EEF2K: variants seen among roughly 807,000 people sequenced by gnomAD.
EEF2K encodes the protein alternative protein EEF2K.
A neutral mutation model predicts 93.8 loss-of-function variants in EEF2K; 70 were observed. That is an observed-to-expected ratio of 0.75 (90% confidence interval 0.62 to 0.91). EEF2K has a LOEUF of 0.91. EEF2K is among the 40% of genes least tolerant of loss of function. The probability of loss-of-function intolerance (pLI) is 0.00; values close to 1 mark genes in which losing one functional copy is unlikely to be tolerated. For synonymous variants in EEF2K, 376 were observed against 380.8 expected (o/e 0.99, Z 0.15); for missense variants, 935 against 972.9 (o/e 0.96, Z 0.52).
intron 15 of EEF2K, among the ~76,000 whole-genome samples, chr16:22,271,975 A>T (rs1289319355): frequency 6.6e-6 from 1 of 152,220 alleles, no homozygotes; most frequent in Non-Finnish European, 1.5e-5. Flanking sequence ...GTAGTTTTAA[A>T]TACTGGAAGG....
At chr16:22,270,643 T>C (rs917303670) in intron 15 of EEF2K, among the ~76,000 whole-genome samples, 1 of 152,170 alleles carries the variant, frequency 6.6e-6, no homozygotes, top group Non-Finnish European at 1.5e-5. Flanking sequence ...GTTGGCTGTA[T>C]TCTTTTGATA....
At chr16:22,237,595 G>A (rs554097281) in intron 2 of EEF2K, among the ~76,000 whole-genome samples, 5 of 148,844 alleles carry the variant, frequency 3.4e-5, no homozygotes, top group South Asian at 2.1e-4. Context: ...TGCAGGCTGC[G>A]CAACAGAGTG....
intron 9 of EEF2K, among the ~76,000 whole-genome samples, chr16:22,258,247 A>G (rs1302452336): frequency 1.3e-5 from 2 of 152,114 alleles, no homozygotes; most frequent in Admixed American, 1.3e-4. Context: ...GGGCTGTGGA[A>G]TGTGGTCAGT....
rs992432940 is a variant in EEF2K, at chr16:22,256,904, C to A, written c.768+7C>A. 1 of 1,613,160 alleles carries A rather than the reference C, an allele frequency of 6.2e-7. No homozygotes were observed. The highest frequency in any genetic ancestry group is 1.3e-5 in the African/African-American group (1 of 74,924). On this transcript the variant is annotated splice_region_variant and intron_variant, in intron 7 of 17. Transcript: ENST00000263026. ...CATCCGCCTGACGCCGCAGGTGAGG[C>A]CGAGCTCACCTCCACCCTCTGCCCA...
intron 6 of EEF2K, among the ~76,000 whole-genome samples, chr16:22,251,939 G>T (rs538081730): frequency 8.6e-4 from 130 of 152,026 alleles, no homozygotes; most frequent in African/African-American, 2.4e-3. Flanking sequence ...GACTACAGGG[G>T]TATGCCACCA....
chr16:22,269,058 A>T (rs889138593), intron 15 of EEF2K, among the ~76,000 whole-genome samples: 8 of 152,154 alleles, frequency 5.3e-5, no homozygotes. Flanking sequence ...ACTTATATGT[A>T]ATTCCAGAGT....
rs1265323424 is a variant in EEF2K, at chr16:22,288,671, GATTT to G, written c.*4680_*4683del. On this transcript the variant is annotated 3_prime_UTR_variant, in exon 18 of 18. Transcript: ENST00000263026. ...GCCCAGAGAAGTGGCCTGCGTTACA[GATTT>G]ATTTTGGCATATGTACTAAGTTCCA... The G allele has an allele frequency of 2.6e-5, 4 of 151,920 alleles. No homozygotes were observed. The highest frequency in any genetic ancestry group is 5.9e-5 in the Non-Finnish European group (4 of 68,030). 9.4% of individuals were successfully genotyped at this position (151,920 alleles called of 1,614,324 possible). A position where few individuals can be genotyped will look rare whatever the true frequency, so the allele number is the denominator to read the frequency against.
At chr16:22,280,098 C>T in intron 16 of EEF2K, 100 bp from the exon 17 acceptor site, 1 of 1,265,694 alleles carries the variant, frequency 7.9e-7, no homozygotes, top group East Asian at 2.9e-5. Context: ...GGTGGTGGCC[C>T]TGCTGGGATC....
chr16:22,218,366 T>C (rs1389644924), intron 1 of EEF2K, among the ~76,000 whole-genome samples: 1 of 152,230 alleles, frequency 6.6e-6, no homozygotes, highest in African/African-American at 2.4e-5. Context: ...TGCCACGTTA[T>C]TGGCTTTGGG....
rs1280642244 is a variant in EEF2K at position 22,280,178 on chromosome 16, C to T, written c.1890-20C>T. On this transcript the variant is annotated intron_variant, in intron 16 of 17. Transcript: ENST00000263026. ...GTTGCCATGGTAACCTCCACCTTTCCCTCTGTATCTCCTGGCAAGGTGCCA... is the reference window on the plus strand; with the variant it reads ...GTTGCCATGGTAACCTCCACCTTTCTCTCTGTATCTCCTGGCAAGGTGCCA... 2.8e-6 allele frequency: 4 copies of T among 1,450,834 alleles called. No homozygotes were observed. Among genetic ancestry groups the T allele is most frequent in the Non-Finnish European group, 3.7e-6 (4 of 1,094,318 alleles). 89.9% of individuals were successfully genotyped at this position (1,450,834 alleles called of 1,614,324 possible). A position where few individuals can be genotyped will look rare whatever the true frequency, so the allele number is the denominator to read the frequency against.
At chr16:22,279,236 CTT>C (rs143168233) in intron 16 of EEF2K, among the ~76,000 whole-genome samples, 22,658 of 135,036 alleles carry the variant, frequency 0.17, 2,717 homozygotes, top group African/African-American at 0.35. Context: ...CTTGACTCCT[CTT>C]TTTTTTTTTT....
chr16:22,264,983 T>C (rs1017885669), intron 13 of EEF2K, 103 bp downstream of exon 13: 2 of 1,376,750 alleles, frequency 1.5e-6, no homozygotes, highest in East Asian at 2.4e-5. Flanking sequence ...CCCATCTGTC[T>C]TGCACATGTG....
At chr16:22,230,820 G>T (rs2047107756) in intron 2 of EEF2K, among the ~76,000 whole-genome samples, 1 of 152,040 alleles carries the variant, frequency 6.6e-6, no homozygotes, top group Non-Finnish European at 1.5e-5. Flanking sequence ...TAGAGAGAGG[G>T]TCTCATACTA....
rs373246459 is a variant in EEF2K, at chr16:22,250,678, G to A, written c.433G>A (p.Glu145Lys). 1.3e-5 allele frequency: 21 copies of A among 1,614,096 alleles called. No individual in the cohort carries two copies. Among genetic ancestry groups the A allele is most frequent in the Non-Finnish European group, 1.7e-5 (20 of 1,180,048 alleles). Residue 145 changes from glutamate to lysine, a missense_variant, in exon 5 of 18, where the codon GAG becomes AAG. Glu to Lys is a moderately conservative substitution (Grantham distance 56). Coordinates refer to ENST00000263026, the MANE Select transcript of EEF2K (RefSeq NM_013302.5). ...SQPFGRGAMR[E>K]CFRTKKLSNF... The stretch of plus-strand genomic sequence containing the variant: ...GCCCTTCGGCCGAGGAGCAATGAGG[G>A]AGTGCTTCCGGACGTAAGTGACTCA...
chr16:22,239,537 G>T (rs1023764394), intron 2 of EEF2K, among the ~76,000 whole-genome samples: 2 of 152,162 alleles, frequency 1.3e-5, no homozygotes, highest in African/African-American at 2.4e-5. Context: ...TGGGCTGGGC[G>T]TGGTGGCTCA....
chr16:22,226,517 C>CTTCTTT (rs1555469266), intron 2 of EEF2K, among the ~76,000 whole-genome samples: 1 of 106,900 alleles, frequency 9.4e-6, no homozygotes, highest in Non-Finnish European at 1.8e-5. Context: ...CCTTCTTCTT[C>CTTCTTT]TTTTTTTTTT....
chr16:22,207,061 C>G (rs1485241241), intron 1 of EEF2K, among the ~76,000 whole-genome samples: 1 of 152,200 alleles, frequency 6.6e-6, no homozygotes, highest in Non-Finnish European at 1.5e-5. Context: ...CCCCACCTTT[C>G]CCCTGAACTA....
chr16:22,215,295 A>G (rs1048240026), intron 1 of EEF2K, among the ~76,000 whole-genome samples: 5 of 152,170 alleles, frequency 3.3e-5, no homozygotes, highest in African/African-American at 9.7e-5. Context: ...AGTCAGCCTG[A>G]ATCAGCCTTA....
chr16:22,220,261 C>G (rs960802062), intron 1 of EEF2K, among the ~76,000 whole-genome samples: 1 of 152,204 alleles, frequency 6.6e-6, no homozygotes, highest in Admixed American at 6.5e-5. Context: ...AGGCGCTGTG[C>G]CAGGCAGGGT....
Sources: allele counts gnomAD v4.1 joint callset (sites outside exome capture counted in the v4.1 genomes callset), GRCh38; gene constraint gnomAD v4.1.1; transcripts MANE v1.5; gene names NCBI Gene and HGNC (gene_info 2026-07-23, HGNC 2026-07-21).